The following WWOX variants were observed in gnomAD, a reference collection of about 807,000 sequenced individuals.
WWOX encodes WW domain containing oxidoreductase.
A neutral mutation model predicts 46.2 loss-of-function variants in WWOX; 69 were observed. The observed-to-expected ratio is 1.49, with a 90% CI of 1.23 to 1.82. The LOEUF is 1.82. Ranked by LOEUF, WWOX falls within the 40% of genes most tolerant of loss-of-function variation. WWOX has a pLI of 0.00. For synonymous variants in WWOX, 359 were observed against 202.6 expected, an observed-to-expected ratio of 1.77 and a Z score of -6.56; for missense variants, 919 against 542.6, an observed-to-expected ratio of 1.69 and a Z score of -6.89.
intron 7 of WWOX, among the ~76,000 whole-genome samples, chr16:78,431,773 G>T (rs939951625): frequency 2.0e-5 from 3 of 151,258 alleles, no homozygotes; most frequent in African/African-American, 7.3e-5. Flanking sequence ...CTAGAGTTCA[G>T]TGGCACAATC....
chr16:78,935,979 G>A (rs1053379735), intron 8 of WWOX, among the ~76,000 whole-genome samples: 1 of 152,270 alleles, frequency 6.6e-6, no homozygotes, highest in East Asian at 1.9e-4. Flanking sequence ...TTGGAAGGGT[G>A]TGATGGGATT....
chr16:78,560,710 A>T (rs942440169), intron 8 of WWOX, among the ~76,000 whole-genome samples: 1 of 152,192 alleles, frequency 6.6e-6, no homozygotes, highest in Non-Finnish European at 1.5e-5. Context: ...TTTTGAAACC[A>T]GTTCTTAAGC....
At chr16:78,404,437 G>C (rs147657708) in intron 6 of WWOX, among the ~76,000 whole-genome samples, 211 of 152,144 alleles carry the variant, frequency 1.4e-3, no homozygotes, top group African/African-American at 4.7e-3. Context: ...AGAAGCTGAG[G>C]GTCACAGAAA....
chr16:79,152,126 A>G (rs1444150565), intron 8 of WWOX, among the ~76,000 whole-genome samples: 1 of 152,198 alleles, frequency 6.6e-6, no homozygotes, highest in Non-Finnish European at 1.5e-5. Flanking sequence ...CCTGTAGAGT[A>G]AAAGATATCG....
At chr16:79,050,686 C>T (rs1027330077) in intron 8 of WWOX, among the ~76,000 whole-genome samples, 3 of 152,008 alleles carry the variant, frequency 2.0e-5, no homozygotes, top group African/African-American at 4.8e-5. Context: ...ACTTCCGTTA[C>T]AATTGAAAAA....
At chr16:78,531,693 A>T (rs2738490) in intron 8 of WWOX, among the ~76,000 whole-genome samples, 77,390 of 151,594 alleles carry the variant, frequency 0.51, 22,661 homozygotes, top group East Asian at 0.67. Context: ...AAATACAAAA[A>T]TTTTTTTGTA....
chr16:78,442,217 A>G (rs2083460323), intron 8 of WWOX, among the ~76,000 whole-genome samples: 1 of 152,190 alleles, frequency 6.6e-6, no homozygotes, highest in African/African-American at 2.4e-5. Flanking sequence ...AATGACTACC[A>G]CAATCAAGCT....
At chr16:78,540,730 C>T (rs988537077) in intron 8 of WWOX, among the ~76,000 whole-genome samples, 6 of 151,964 alleles carry the variant, frequency 3.9e-5, no homozygotes, top group African/African-American at 1.2e-4. Context: ...TCTGTTGCCC[C>T]GGCTGCAGTG....
chr16:78,771,375 G>C (rs189623624), intron 8 of WWOX, among the ~76,000 whole-genome samples: 2 of 152,192 alleles, frequency 1.3e-5, no homozygotes, highest in African/African-American at 4.8e-5. Context: ...TATGTTCAAA[G>C]GTGGTTATTA....
At chr16:79,201,176 C>T in intron 8 of WWOX, among the ~76,000 whole-genome samples, 1 of 152,108 alleles carries the variant, frequency 6.6e-6, no homozygotes, top group Non-Finnish European at 1.5e-5. Context: ...GATTTTCCTA[C>T]CATCCCATAT....
chr16:78,450,940 C>G (rs894026584), intron 8 of WWOX, among the ~76,000 whole-genome samples: 5 of 152,170 alleles, frequency 3.3e-5, no homozygotes, highest in African/African-American at 1.2e-4. Context: ...CCTTCCTGTT[C>G]CAAGCACTGG....
At chr16:78,873,497 C>G (rs999859233) in intron 8 of WWOX, 1 of 152,148 alleles carries the variant, frequency 6.6e-6, no homozygotes, top group Non-Finnish European at 1.5e-5. Context: ...ATTTTAAATA[C>G]TTGGAGGGCC....
intron 8 of WWOX, among the ~76,000 whole-genome samples, chr16:78,969,638 G>T (rs2046432075): frequency 6.6e-6 from 1 of 152,138 alleles, no homozygotes; most frequent in Non-Finnish European, 1.5e-5. Flanking sequence ...GCAAGGTGCT[G>T]TTTATGAACA....
chr16:78,556,301 G>C (rs989694657), intron 8 of WWOX, among the ~76,000 whole-genome samples: 1 of 151,968 alleles, frequency 6.6e-6, no homozygotes, highest in East Asian at 1.9e-4. Flanking sequence ...CAGAGACATG[G>C]AGACAGTCGG....
At chr16:78,632,104 G>T (rs1012727764) in intron 8 of WWOX, among the ~76,000 whole-genome samples, 1 of 152,154 alleles carries the variant, frequency 6.6e-6, no homozygotes, top group Non-Finnish European at 1.5e-5. Flanking sequence ...TTCGCAAGGA[G>T]CTGCTTGATA....
At chr16:78,378,315 G>T (rs1290565510) in intron 5 of WWOX, among the ~76,000 whole-genome samples, 1 of 152,018 alleles carries the variant, frequency 6.6e-6, no homozygotes, top group Non-Finnish European at 1.5e-5. Flanking sequence ...CATTTATGAG[G>T]GCATACTTTT....
At chr16:78,869,997 A>C (rs749314970) in intron 8 of WWOX, among the ~76,000 whole-genome samples, 13 of 152,314 alleles carry the variant, frequency 8.5e-5, no homozygotes, top group Non-Finnish European at 1.3e-4. Flanking sequence ...ACACAGATCA[A>C]AGTCTCTCCA....
At chr16:78,153,503 A>G (rs1346872836) in intron 4 of WWOX, among the ~76,000 whole-genome samples, 3 of 152,128 alleles carry the variant, frequency 2.0e-5, no homozygotes, top group Non-Finnish European at 4.4e-5. Context: ...TTCTTGCTTT[A>G]TGCATAATGG....
chr16:78,843,083 C>A (rs181078673), intron 8 of WWOX, among the ~76,000 whole-genome samples: 14 of 150,046 alleles, frequency 9.3e-5, no homozygotes, highest in East Asian at 5.9e-4. Flanking sequence ...TTGGCAATCA[C>A]TTCTCTTGTT....
Sources: allele counts gnomAD v4.1 joint callset (sites outside exome capture counted in the v4.1 genomes callset), GRCh38; gene constraint gnomAD v4.1.1; transcripts MANE v1.5; gene names NCBI Gene and HGNC (gene_info 2026-07-23, HGNC 2026-07-21).